Variants in SHC3 observed in about 807,000 individuals in gnomAD.
SHC3 encodes the protein SHC-transforming protein 3.
A neutral mutation model predicts 60.4 loss-of-function variants in SHC3; 15 were observed. That is an observed-to-expected ratio of 0.25 (90% CI 0.17 to 0.38). The LOEUF (loss-of-function observed/expected upper bound fraction) is 0.38, where lower values mean the gene tolerates loss of function less well. Among genes scored for constraint, SHC3 ranks in the 10% least tolerant of loss-of-function variants. The pLI is 1.00. For synonymous variants in SHC3, 294 were observed against 325.9 expected (o/e 0.90, Z 1.05); for missense variants, 677 against 786.1 (o/e 0.86, Z 1.66).
At chr9:89,129,802 C>T (rs1826217807) in intron 1 of SHC3, among the ~76,000 whole-genome samples, 1 of 152,166 alleles carries the variant, frequency 6.6e-6, no homozygotes, top group Non-Finnish European at 1.5e-5. Flanking sequence ...ACAGCAAAAA[C>T]ATGCCAAATT....
In SHC3 at chr9:89,006,131, G is replaced by A. The variant is rs1825935683; in HGVS notation, c.*7316C>T. ...AGAAGTGCAGCATTACCTAAATTGGGTGTGTCATCTTCCCCTCCTGGGTCA... is the reference window on the plus strand; with the variant it reads ...AGAAGTGCAGCATTACCTAAATTGGATGTGTCATCTTCCCCTCCTGGGTCA... On this transcript the variant is annotated 3_prime_UTR_variant, in exon 12 of 12. Coordinates refer to ENST00000375835, the MANE Select transcript of SHC3 (RefSeq NM_016848.6). 6.6e-6 allele frequency: 1 copy of A among 152,182 alleles called. No individual in the cohort carries two copies. Among genetic ancestry groups the A allele is most frequent in the Non-Finnish European group, 1.5e-5 (1 of 68,042 alleles). The allele number at this position is 152,182 out of a possible 1,614,324, so 9.4% of individuals were successfully genotyped here. A position where few individuals can be genotyped will look rare whatever the true frequency, so the allele number is the denominator to read the frequency against.
At chr9:89,109,728 G>T in intron 2 of SHC3, 1 of 985,468 alleles carries the variant, frequency 1.0e-6, no homozygotes, top group Non-Finnish European at 1.2e-6. Context: ...AACATCTTCA[G>T]GCATCTCCAG....
Position 89,148,594 on chromosome 9 carries a change from A to G in SHC3, c.474+29393T>C, listed in dbSNP as rs560357588. On this transcript the variant is annotated intron_variant, in intron 1 of 11. Coordinates refer to ENST00000375835, the MANE Select transcript of SHC3 (RefSeq NM_016848.6). ...CTCAGATGTATTTCCTAATAGATCA[A>G]TAAGTTGACATTTTCCAAACTGAAT... Among the ~76,000 whole-genome samples, 10 of 152,380 alleles carry G rather than the reference A, an allele frequency of 6.6e-5. No homozygotes were observed. In the East Asian group the frequency reaches 9.6e-4, roughly 15 times the overall value.
In SHC3 at chr9:89,010,640, CA is replaced by C. The variant is rs1162519006; in HGVS notation, c.*2806del. 1 of 152,428 alleles carries C rather than the reference CA, an allele frequency of 6.6e-6. No homozygotes were observed. The highest frequency in any genetic ancestry group is 2.4e-5 in the African/African-American group (1 of 41,472). The allele number at this position is 152,428 out of a possible 1,614,324, so 9.4% of individuals were successfully genotyped here. A position where few individuals can be genotyped will look rare whatever the true frequency, so the allele number is the denominator to read the frequency against. On this transcript the variant is annotated 3_prime_UTR_variant, in exon 12 of 12. Transcript: ENST00000375835. ...GCAGGACCAGGGTGGCCCAGCACAG[CA>C]GCAGCGACTGTGCCCTGGAAGCCTG... is the stretch of plus-strand genomic sequence containing the variant.
Position 89,046,992 on chromosome 9 carries a change from A to C in SHC3, c.965T>G (p.Met322Arg), listed in dbSNP as rs760417044. The C allele has an allele frequency of 6.3e-7, 1 of 1,575,592 alleles. No homozygotes were observed. The highest frequency in any genetic ancestry group is 8.6e-7 in the Non-Finnish European group (1 of 1,163,526). ...PTKIPALHDR[M>R]QSLDEPWTEE... is the part of the protein sequence containing the mutation. ...CGTCCATGGCTCATCCAGACTCTGC[A>C]TTCTGTTAAAGGAAGATTTCCAAGG... The change falls in exon 8 of 12, where the codon ATG becomes AGG. Residue 322 changes from methionine (M) to arginine (R), a missense_variant and splice_region_variant. Coordinates refer to ENST00000375835, the MANE Select transcript of SHC3 (RefSeq NM_016848.6).
At chr9:89,169,290 GC>G (rs1826835774) in intron 1 of SHC3, among the ~76,000 whole-genome samples, 1 of 152,110 alleles carries the variant, frequency 6.6e-6, no homozygotes. Flanking sequence ...CCTCCTCACA[GC>G]TCTCAGTGCT....
At chr9:89,102,918 T>C (rs1825803737) in intron 2 of SHC3, among the ~76,000 whole-genome samples, 1 of 152,152 alleles carries the variant, frequency 6.6e-6, no homozygotes, top group Admixed American at 6.5e-5. Flanking sequence ...AATACGAACA[T>C]AGTGGCCTTG....
At chr9:89,027,549 C>T (rs2118659745) in intron 11 of SHC3, among the ~76,000 whole-genome samples, 1 of 151,948 alleles carries the variant, frequency 6.6e-6, no homozygotes, top group Admixed American at 6.6e-5. Flanking sequence ...ATCCCCTGAC[C>T]TCGTGATCCG....
rs371177030 is a variant in SHC3 at position 89,021,041 on chromosome 9, A to T, written c.1657-7466T>A. Among the ~76,000 whole-genome samples, 34 of 152,262 alleles carry T rather than the reference A, an allele frequency of 2.2e-4. No homozygotes were observed. In the East Asian group the frequency reaches 3.1e-3, roughly 14 times the overall value. ...AGCCCCAGTTTGACCTCACAGGGAC[A>T]TTTCGCACTGAGCTTCAGCGCCCAC... On this transcript the variant is annotated intron_variant, in intron 11 of 11. Transcript: ENST00000375835.
At chr9:89,051,164 A>G (rs965691603) in intron 7 of SHC3, among the ~76,000 whole-genome samples, 5 of 152,244 alleles carry the variant, frequency 3.3e-5, no homozygotes, top group Non-Finnish European at 7.3e-5. Flanking sequence ...GAACTAAGGC[A>G]TAGAAGAATG....
chr9:89,173,137 A>C (rs1323065080), intron 1 of SHC3, among the ~76,000 whole-genome samples: 1 of 152,232 alleles, frequency 6.6e-6, no homozygotes, highest in Non-Finnish European at 1.5e-5. Flanking sequence ...AGGTCCAGAG[A>C]GGTGAGCTGA....
chr9:89,126,094 C>A (rs1031049593), intron 1 of SHC3, among the ~76,000 whole-genome samples: 1 of 152,134 alleles, frequency 6.6e-6, no homozygotes, highest in Non-Finnish European at 1.5e-5. Context: ...AGAGACTATA[C>A]TAAAGAGACC....
intron 2 of SHC3, among the ~76,000 whole-genome samples, chr9:89,101,948 C>A (rs1486126463): frequency 6.6e-6 from 1 of 151,956 alleles, no homozygotes; most frequent in African/African-American, 2.4e-5. Context: ...GTGGTCCTGA[C>A]CCTGGAGTTT....
Position 89,046,073 on chromosome 9 carries a change from AC to A in SHC3, c.1114-241del, listed in dbSNP as rs112478625. On this transcript the variant is annotated intron_variant, in intron 8 of 11. Coordinates refer to ENST00000375835, the MANE Select transcript of SHC3 (RefSeq NM_016848.6). ...ACATGCCCCCCCGCTTGTTTTCATT[AC>A]CCCCCCCACCCCTCCCGAAGTGTGA... Among the ~76,000 whole-genome samples, 244 of 104,160 alleles carry A rather than the reference AC, an allele frequency of 2.3e-3. 2 individuals are homozygous for A. The highest frequency in any genetic ancestry group is 8.1e-3 in the African/African-American group (218 of 27,004). 68.3% of individuals were successfully genotyped at this position (104,160 alleles called of 152,430 possible). A position where few individuals can be genotyped will look rare whatever the true frequency, so the allele number is the denominator to read the frequency against.
At chr9:89,071,468 C>A (rs886250397) in intron 4 of SHC3, among the ~76,000 whole-genome samples, 1 of 152,184 alleles carries the variant, frequency 6.6e-6, no homozygotes, top group Non-Finnish European at 1.5e-5. Context: ...GTCCGTGAAG[C>A]CTCGCTGCAG....
Position 89,013,684 on chromosome 9 carries a change from G to A in SHC3, c.1657-109C>T, listed in dbSNP as rs555318597. 9.0e-5 allele frequency: 131 copies of A among 1,449,982 alleles called. 1 individual carries two copies. In the East Asian group the frequency reaches 2.6e-3, roughly 28 times the overall value. The allele number at this position is 1,449,982 out of a possible 1,614,324, so 89.8% of individuals were successfully genotyped here. A position where few individuals can be genotyped will look rare whatever the true frequency, so the allele number is the denominator to read the frequency against. On this transcript the variant is annotated intron_variant, in intron 11 of 11. Transcript: ENST00000375835. ...TCTGAACTGGCCCAGAAGGAAAGGA[G>A]GGGGGGACAAGGGGCTTCCACCACT...
chr9:89,008,381 G>T lies in SHC3; in HGVS notation c.*5066C>A, dbSNP rs1214796681. The T allele has an allele frequency of 6.6e-6, 1 of 152,160 alleles. No homozygotes were observed. The highest frequency in any genetic ancestry group is 1.5e-5 in the Non-Finnish European group (1 of 68,034). 9.4% of individuals were successfully genotyped at this position (152,160 alleles called of 1,614,324 possible). On this transcript the variant is annotated 3_prime_UTR_variant, in exon 12 of 12. Transcript: ENST00000375835. ...AGCCATCAATAAGAGACAGGTAAGGGCTGGAAACTCTCACTAGTGAGTGGT... is the reference window on the plus strand; with the variant it reads ...AGCCATCAATAAGAGACAGGTAAGGTCTGGAAACTCTCACTAGTGAGTGGT...
At chr9:89,033,282 G>A (rs560174834) in intron 11 of SHC3, among the ~76,000 whole-genome samples, 20 of 152,192 alleles carry the variant, frequency 1.3e-4, no homozygotes, top group African/African-American at 4.8e-4. Flanking sequence ...TACAGACTAA[G>A]TGAACAAATT....
intron 1 of SHC3, among the ~76,000 whole-genome samples, chr9:89,177,604 G>A (rs1826959943): frequency 6.6e-6 from 1 of 152,210 alleles, no homozygotes; most frequent in African/African-American, 2.4e-5. Context: ...CCTCCCGGGG[G>A]CTGCCCAGCT....
Sources: allele counts gnomAD v4.1 joint callset (sites outside exome capture counted in the v4.1 genomes callset), GRCh38; gene constraint gnomAD v4.1.1; transcripts MANE v1.5; gene names NCBI Gene and HGNC (gene_info 2026-07-23, HGNC 2026-07-21).